The following DPY19L4 variants were observed in gnomAD, a reference collection of about 807,000 sequenced individuals.
The protein encoded by DPY19L4 is probable C-mannosyltransferase DPY19L4.
DPY19L4 carries 97 observed loss-of-function variants against 102.8 expected under a neutral mutation model. That is an observed-to-expected ratio of 0.94 (90% CI 0.80 to 1.12). DPY19L4 has a LOEUF of 1.12. Among genes scored for constraint, DPY19L4 ranks in the 50% most tolerant of loss-of-function variants. DPY19L4 has a pLI of 0.00. For missense variants in DPY19L4, 815 were observed against 850.4 expected, an observed-to-expected ratio of 0.96 and a Z score of 0.52; for synonymous variants, 252 against 283.1, an observed-to-expected ratio of 0.89 and a Z score of 1.10.
intron 8 of DPY19L4, among the ~76,000 whole-genome samples, chr8:94,762,137 C>T (rs1812419126): frequency 6.6e-6 from 1 of 152,174 alleles, no homozygotes; most frequent in Non-Finnish European, 1.5e-5. Flanking sequence ...ACAGGGACCT[C>T]ACAGAGCTGA....
chr8:94,777,739 A>G lies in DPY19L4; in HGVS notation c.1528A>G (p.Thr510Ala). ...TGTATGTTCTCCCGAACTTTGGATG[A>G]CACTTTTCAAGTGGCTTCGATTAAG... ...FGVCSPELWMTLFKWLRLRTV... is the reference protein window; with the variant it reads ...FGVCSPELWMALFKWLRLRTV... Residue 510 changes from threonine to alanine, a missense_variant, in exon 14 of 19, where the codon ACA becomes GCA. Coordinates refer to ENST00000414645, the MANE Select transcript of DPY19L4 (RefSeq NM_181787.3). 6.2e-7 allele frequency: 1 copy of G among 1,614,060 alleles called. No individual in the cohort carries two copies. Among genetic ancestry groups the G allele is most frequent in the Non-Finnish European group, 8.5e-7 (1 of 1,179,984 alleles).
At chr8:94,776,665 G>C (rs1477158191) in intron 13 of DPY19L4, among the ~76,000 whole-genome samples, 2 of 151,448 alleles carry the variant, frequency 1.3e-5, no homozygotes, top group Admixed American at 1.3e-4. Flanking sequence ...AAATGCTATA[G>C]TTAAAACTCT....
At chr8:94,748,499 A>C (rs75810946) in intron 6 of DPY19L4, among the ~76,000 whole-genome samples, 5,406 of 152,190 alleles carry the variant, frequency 0.036, 116 homozygotes, top group Admixed American at 0.04. Context: ...ATATTATATG[A>C]AAATAGGTCA....
chr8:94,756,273 C>T (rs980088302), intron 7 of DPY19L4, 114 bp downstream of exon 7: 1 of 1,374,228 alleles, frequency 7.3e-7, no homozygotes, highest in South Asian at 1.5e-5. Context: ...TTTAATGAAG[C>T]CTGGTTACTA....
chr8:94,761,617 C>A, intron 7 of DPY19L4, 83 bp from the exon 8 acceptor site: 1 of 1,233,706 alleles, frequency 8.1e-7, no homozygotes, highest in Non-Finnish European at 1.1e-6. Context: ...AGTAACAGAG[C>A]TACAACTTTG....
chr8:94,769,113 G>A (rs1812813691), intron 12 of DPY19L4, among the ~76,000 whole-genome samples: 1 of 144,946 alleles, frequency 6.9e-6, no homozygotes, highest in South Asian at 2.2e-4. Flanking sequence ...CCAGGCTGGA[G>A]TGCAGTGGCA....
chr8:94,720,154 G>A lies in DPY19L4; in HGVS notation c.16+140G>A, dbSNP rs1810393582. ...GCGCGGGCAGGGCGGGAAGGAGCGC[G>A]GCGCCCAGGAGAGGACTGCGGAGAA... On this transcript the variant is annotated intron_variant, in intron 1 of 18. Coordinates refer to ENST00000414645, the MANE Select transcript of DPY19L4 (RefSeq NM_181787.3). 3.6e-6 allele frequency: 5 copies of A among 1,380,988 alleles called. No homozygotes were observed. In the Admixed American group the frequency reaches 1.5e-4, roughly 41 times the overall value. The allele number at this position is 1,380,988 out of a possible 1,614,324, so 85.5% of individuals were successfully genotyped here.
At chr8:94,761,960 T>C in intron 8 of DPY19L4, 126 bp downstream of exon 8, 5 of 970,028 alleles carry the variant, frequency 5.2e-6, no homozygotes, top group Non-Finnish European at 6.9e-6. Flanking sequence ...AATATTTAAG[T>C]TATTTGGACA....
At chr8:94,755,256 T>C (rs1454779905) in intron 6 of DPY19L4, among the ~76,000 whole-genome samples, 1 of 152,224 alleles carries the variant, frequency 6.6e-6, no homozygotes, top group African/African-American at 2.4e-5. Flanking sequence ...GCTGGATGGC[T>C]TTGATTAAGT....
At chr8:94,725,017 T>TA (rs397700452) in intron 1 of DPY19L4, among the ~76,000 whole-genome samples, 2 of 152,140 alleles carry the variant, frequency 1.3e-5, no homozygotes, top group South Asian at 4.2e-4. Flanking sequence ...GCTTTTTTTT[T>TA]ATCACTATGC....
At position 94,719,988 on chromosome 8, in the gene DPY19L4, T is replaced by C. The variant is rs901069767; in HGVS notation, c.-11T>C. ...CGGGAGCCGCAGGGCGCCCTAGCCT[T>C]CGCAGAAACGATGGCGGAGGAAGAA... is the stretch of plus-strand genomic sequence containing the variant. On this transcript the variant is annotated 5_prime_UTR_variant, in exon 1 of 19. Coordinates refer to ENST00000414645, the MANE Select transcript of DPY19L4 (RefSeq NM_181787.3). 40 of 1,525,902 alleles carry C rather than the reference T, an allele frequency of 2.6e-5. No individual in the cohort carries two copies. Among genetic ancestry groups the C allele is most frequent in the Middle Eastern group, 2.2e-4 (1 of 4,506 alleles). The allele number at this position is 1,525,902 out of a possible 1,614,324, so 94.5% of individuals were successfully genotyped here.
chr8:94,765,176 A>G lies in DPY19L4; in HGVS notation c.871-7A>G, dbSNP rs200567931. On this transcript the variant is annotated splice_region_variant and splice_polypyrimidine_tract_variant and intron_variant, in intron 8 of 18. Transcript: ENST00000414645. ...TATTCTCACTTATTTTATTTTTGTC[A>G]CAACAGGTTTATGAAGTTTATAAAA... 6.9e-7 allele frequency: 1 copy of G among 1,448,590 alleles called. No individual in the cohort carries two copies. Among genetic ancestry groups the G allele is most frequent in the Admixed American group, 2.2e-5 (1 of 46,372 alleles). The allele number at this position is 1,448,590 out of a possible 1,614,324, so 89.7% of individuals were successfully genotyped here.
chr8:94,732,055 G>C (rs1256964025), intron 2 of DPY19L4, among the ~76,000 whole-genome samples: 2 of 152,196 alleles, frequency 1.3e-5, no homozygotes, highest in Non-Finnish European at 2.9e-5. Context: ...ACAGGCGTGA[G>C]CCACCGTGCC....
chr8:94,754,388 A>C (rs183302579), intron 6 of DPY19L4, among the ~76,000 whole-genome samples: 3 of 152,044 alleles, frequency 2.0e-5, no homozygotes, highest in African/African-American at 4.8e-5. Flanking sequence ...TGCTGTTGCA[A>C]CTTTATCTTC....
intron 4 of DPY19L4, among the ~76,000 whole-genome samples, chr8:94,739,143 A>C (rs1353473848): frequency 6.6e-6 from 1 of 152,166 alleles, no homozygotes; most frequent in Non-Finnish European, 1.5e-5. Context: ...TCCATTAACC[A>C]GTCTCTCCCT....
chr8:94,722,099 A>G (rs1810485538), intron 1 of DPY19L4, among the ~76,000 whole-genome samples: 1 of 148,884 alleles, frequency 6.7e-6, no homozygotes, highest in Admixed American at 6.7e-5. Context: ...ACAGAGTGAG[A>G]CTCCATCTAA....
rs762971285 is a variant in DPY19L4, at chr8:94,789,808, C to T, written c.2070C>T (p.Val690=). ...AATATGGGCGATTTTGTCATGAGGT[C>T]AAAATTAACTATTCTCCATATGTGA... The part of the protein sequence containing the change: ...YSKYGRFCHE[V]KINYSPYVNY... Residue 690 remains valine (V), a synonymous_variant, in exon 19 of 19, where the codon GTC becomes GTT. Transcript: ENST00000414645. The T allele has an allele frequency of 6.2e-7, 1 of 1,611,846 alleles. No homozygotes were observed. Among genetic ancestry groups the T allele is most frequent in the Non-Finnish European group, 8.5e-7 (1 of 1,179,042 alleles).
intron 6 of DPY19L4, among the ~76,000 whole-genome samples, chr8:94,755,517 T>C (rs1185060368): frequency 6.6e-6 from 1 of 152,156 alleles, no homozygotes; most frequent in Non-Finnish European, 1.5e-5. Flanking sequence ...CACCAAGTAG[T>C]GCACAGTAGC....
At chr8:94,774,823 C>G (rs879736944) in intron 13 of DPY19L4, among the ~76,000 whole-genome samples, 2 of 152,056 alleles carry the variant, frequency 1.3e-5, no homozygotes, top group Non-Finnish European at 2.9e-5. Context: ...GTGATCTGCC[C>G]GCCTCGGCCC....
Sources: allele counts gnomAD v4.1 joint callset (sites outside exome capture counted in the v4.1 genomes callset), GRCh38; gene constraint gnomAD v4.1.1; transcripts MANE v1.5; gene names NCBI Gene and HGNC (gene_info 2026-07-23, HGNC 2026-07-21).